The following DNAAF1 variants were observed in gnomAD, a reference collection of about 807,000 sequenced individuals.
The protein encoded by DNAAF1 is dynein assembly factor 1, axonemal.
DNAAF1 carries 65 observed loss-of-function variants against 71.1 expected under a neutral mutation model. That is an observed-to-expected ratio of 0.91 (90% CI 0.75 to 1.12). The LOEUF is 1.12. DNAAF1 is among the 50% of genes most tolerant of loss of function. The pLI, the probability that DNAAF1 is intolerant of heterozygous loss-of-function variation, is 0.00. For missense variants in DNAAF1, 1,178 were observed against 899.8 expected, an observed-to-expected ratio of 1.31 and a Z score of -3.96; for synonymous variants, 414 against 354.6, an observed-to-expected ratio of 1.17 and a Z score of -1.88.
intron 9 of DNAAF1, chr16:84,173,094 C>T: frequency 1.0e-6 from 1 of 986,372 alleles, no homozygotes; most frequent in East Asian, 1.1e-4. Flanking sequence ...GGTCCCCTGC[C>T]CACTTCCTTG....
chr16:84,152,668 A>T (rs1597410706), intron 3 of DNAAF1, among the ~76,000 whole-genome samples: 2 of 144,498 alleles, frequency 1.4e-5, no homozygotes, highest in Admixed American at 7.0e-5. Flanking sequence ...AAAAAAAAAA[A>T]GTTGGCTGGG....
rs1237430918 is a variant in DNAAF1, at chr16:84,172,371, T to C, written c.1640T>C (p.Ile547Thr). Residue 547 changes from isoleucine (I) to threonine (T), a missense_variant, in exon 9 of 12, where the codon ATT becomes ACT. Ile to Thr is a moderately conservative substitution (Grantham distance 89, BLOSUM62 -1). Transcript: ENST00000378553. ...CTGGAGACAAAGGAGACATTCTGCA[T>C]TGATGTACATGAAGTATTTAATCTT... is the stretch of plus-strand genomic sequence containing the variant. ...IRLETKETFC[I>T]DDLPDLEDDD... The C allele has an allele frequency of 1.2e-6, 2 of 1,613,742 alleles. No homozygotes were observed. The highest frequency in any genetic ancestry group is 1.3e-5 in the African/African-American group (1 of 74,936).
intron 6 of DNAAF1, 147 bp downstream of exon 6, chr16:84,159,943 T>A: frequency 1.1e-6 from 1 of 884,204 alleles, no homozygotes; most frequent in South Asian, 1.6e-5. Flanking sequence ...CATAATTGAC[T>A]ATAATGGGAA....
At position 84,172,385 on chromosome 16, in the gene DNAAF1, GTAT is replaced by G. The variant is rs776795802; in HGVS notation, c.1644+12_1644+14del. 1 of 1,613,662 alleles carries G rather than the reference GTAT, an allele frequency of 6.2e-7. No homozygotes were observed. Among genetic ancestry groups the G allele is most frequent in the South Asian group, 1.1e-5 (1 of 90,940 alleles). ...GACATTCTGCATTGATGTACATGAA[GTAT>G]TTAATCTTGGAGATAAGTATCAGTT... On this transcript the variant is annotated intron_variant, in intron 9 of 11. Transcript: ENST00000378553.
At chr16:84,151,406 C>G (rs1356559515) in intron 3 of DNAAF1, among the ~76,000 whole-genome samples, 2 of 152,130 alleles carry the variant, frequency 1.3e-5, no homozygotes, top group Non-Finnish European at 2.9e-5. Context: ...CTCCTCACCT[C>G]CACTTTTGCC....
chr16:84,163,875 T>A (rs76434918), intron 6 of DNAAF1, among the ~76,000 whole-genome samples: 5 of 149,476 alleles, frequency 3.3e-5, no homozygotes, highest in Admixed American at 1.3e-4. Flanking sequence ...TTTTTTTTTG[T>A]GGGGGACAGC....
intron 8 of DNAAF1, 56 bp from the exon 9 acceptor site, chr16:84,172,204 C>T: frequency 1.4e-5 from 22 of 1,537,474 alleles, no homozygotes; most frequent in Non-Finnish European, 1.8e-5. Context: ...ACCGTAGGCT[C>T]GTCCATCTGC....
chr16:84,162,738 G>A (rs2087772402), intron 6 of DNAAF1, among the ~76,000 whole-genome samples: 1 of 152,062 alleles, frequency 6.6e-6, no homozygotes, highest in Admixed American at 6.5e-5. Context: ...AGAATCGCTT[G>A]AACCCGGGAG....
intron 11 of DNAAF1, chr16:84,176,650 C>G: frequency 7.9e-6 from 3 of 377,992 alleles, no homozygotes; most frequent in Non-Finnish European, 1.5e-5. Flanking sequence ...CTGGCCTCAG[C>G]CTTTCTAGAC....
At position 84,149,018 on chromosome 16, in the gene DNAAF1, C is replaced by T; in HGVS notation, c.136C>T (p.Pro46Ser). 6.2e-7 allele frequency: 1 copy of T among 1,613,874 alleles called. No homozygotes were observed. The highest frequency in any genetic ancestry group is 8.5e-7 in the Non-Finnish European group (1 of 1,179,958). ...CTTTTATTTTACAGAAATTAATGAT[C>T]CTAAGGAAATATGTGTGGGTTCTTC... ...RGGCKEEIND[P>S]KEICVGSSDT... Residue 46 changes from proline to serine, a missense_variant, in exon 2 of 12, where the codon CCT (proline) becomes TCT (serine). Coordinates refer to ENST00000378553, the MANE Select transcript of DNAAF1 (RefSeq NM_178452.6).
In DNAAF1 at chr16:84,159,430, C is replaced by T. The variant is rs76261855; in HGVS notation, c.742-245C>T. Among the ~76,000 whole-genome samples, 1,345 of 152,216 alleles carry T rather than the reference C, an allele frequency of 8.8e-3. 24 individuals carry two copies. The highest frequency in any genetic ancestry group is 0.029 in the African/African-American group (1,214 of 41,538). On this transcript the variant is annotated intron_variant, in intron 5 of 11. Coordinates refer to ENST00000378553, the MANE Select transcript of DNAAF1 (RefSeq NM_178452.6). ...GTTTTCCAGTATTGTTCTGGAGGGACGATGAGATCTAAGATCTGAAGTTCA... is the reference window on the plus strand; with the variant it reads ...GTTTTCCAGTATTGTTCTGGAGGGATGATGAGATCTAAGATCTGAAGTTCA...
At chr16:84,170,873 TA>T (rs1185048247) in intron 8 of DNAAF1, among the ~76,000 whole-genome samples, 1 of 151,750 alleles carries the variant, frequency 6.6e-6, no homozygotes, top group Non-Finnish European at 1.5e-5. Flanking sequence ...AAGTAAAAAG[TA>T]AAAAAACAGT....
At chr16:84,172,888 G>A (rs966879245) in intron 9 of DNAAF1, 2 of 1,009,490 alleles carry the variant, frequency 2.0e-6, no homozygotes, top group African/African-American at 3.4e-5. Flanking sequence ...TTGAGTGAAT[G>A]TTTGATCGCA....
chr16:84,148,950 G>T (rs1243066590), intron 1 of DNAAF1, 57 bp from the exon 2 acceptor site: 3 of 1,596,690 alleles, frequency 1.9e-6, no homozygotes, highest in East Asian at 4.5e-5. Flanking sequence ...CTGAAGTTGG[G>T]GGTATTTTTT....
intron 6 of DNAAF1, among the ~76,000 whole-genome samples, chr16:84,162,816 C>CA (rs1189239466): frequency 6.6e-6 from 1 of 150,578 alleles, no homozygotes; most frequent in Non-Finnish European, 1.5e-5. Context: ...GAGACTGTCT[C>CA]AAAAAAACAA....
chr16:84,154,827 G>A lies in DNAAF1; in HGVS notation c.574+29G>A, dbSNP rs1489519007. On this transcript the variant is annotated intron_variant, in intron 4 of 11. Transcript: ENST00000378553. ...AGGGTACCCAGCAAGCAGTGTGTCT[G>A]TTTGCCATATGTCCATCACCTTCCC... is the stretch of plus-strand genomic sequence containing the variant. The A allele has an allele frequency of 3.9e-6, 6 of 1,550,768 alleles. No individual in the cohort carries two copies. The African/African-American group carries it at 5.4e-5, about 14-fold the overall frequency.
intron 7 of DNAAF1, among the ~76,000 whole-genome samples, chr16:84,168,314 C>G (rs928118011): frequency 1.7e-4 from 26 of 152,200 alleles, no homozygotes; most frequent in Non-Finnish European, 3.1e-4. Flanking sequence ...TTTGAACCTG[C>G]CTGGATAACC....
chr16:84,152,382 G>A (rs2087225609), intron 3 of DNAAF1, among the ~76,000 whole-genome samples: 1 of 152,202 alleles, frequency 6.6e-6, no homozygotes, highest in Non-Finnish European at 1.5e-5. Context: ...GCCAGGCGTG[G>A]TGGCTCACGC....
At chr16:84,146,124 C>A (rs1191478614) in intron 1 of DNAAF1, among the ~76,000 whole-genome samples, 1 of 152,026 alleles carries the variant, frequency 6.6e-6, no homozygotes, top group Non-Finnish European at 1.5e-5. Context: ...AACAAGCAAA[C>A]AAAACCCACC....
Sources: allele counts gnomAD v4.1 joint callset (sites outside exome capture counted in the v4.1 genomes callset), GRCh38; gene constraint gnomAD v4.1.1; transcripts MANE v1.5; gene names NCBI Gene and HGNC (gene_info 2026-07-23, HGNC 2026-07-21).